NAPB: variants seen among roughly 807,000 people sequenced by gnomAD.
The protein encoded by NAPB is beta-soluble NSF attachment protein.
In NAPB, 26 loss-of-function variants were observed where a neutral mutation model predicts 44.7. That is an observed-to-expected ratio of 0.58 (90% CI 0.43 to 0.81). NAPB has a LOEUF of 0.81. NAPB is among the 30% of genes least tolerant of loss of function. NAPB has a pLI of 0.00. For synonymous variants in NAPB, 120 were observed against 116.8 expected (o/e 1.03, Z -0.18); for missense variants, 315 against 356.4 (o/e 0.88, Z 0.94).
At chr20:23,386,633 A>G (rs1430553739) in intron 7 of NAPB, among the ~76,000 whole-genome samples, 1 of 152,244 alleles carries the variant, frequency 6.6e-6, no homozygotes, top group African/African-American at 2.4e-5. Flanking sequence ...ATAAAAACTC[A>G]GAACACCACG....
chr20:23,410,327 T>C (rs922935884), intron 1 of NAPB, among the ~76,000 whole-genome samples: 1 of 152,108 alleles, frequency 6.6e-6, no homozygotes, highest in Non-Finnish European at 1.5e-5. Flanking sequence ...CAGAAACACA[T>C]GCTATTGTGT....
chr20:23,406,729 TAA>T (rs1239036823), intron 1 of NAPB, among the ~76,000 whole-genome samples: 6 of 152,240 alleles, frequency 3.9e-5, no homozygotes, highest in Admixed American at 6.5e-5. Flanking sequence ...TCCCTTGGCG[TAA>T]AGTCTTGCTA....
chr20:23,398,081 G>A (rs1260102098), intron 2 of NAPB, among the ~76,000 whole-genome samples: 1 of 152,162 alleles, frequency 6.6e-6, no homozygotes, highest in Non-Finnish European at 1.5e-5. Context: ...GGAGGCCAGT[G>A]GAAATCAAGG....
At chr20:23,413,145 A>G (rs1157138524) in intron 1 of NAPB, among the ~76,000 whole-genome samples, 3 of 151,142 alleles carry the variant, frequency 2.0e-5, no homozygotes, top group Non-Finnish European at 4.4e-5. Context: ...AAAAAATTTT[A>G]AGTAAAGTGT....
rs1166439472 is a variant in NAPB at position 23,421,342 on chromosome 20, C to T, written c.61G>A (p.Val21Ile). Residue 21 changes from valine to isoleucine, a missense_variant, in exon 1 of 11, where the codon GTC becomes ATC. Coordinates refer to ENST00000377026, the MANE Select transcript of NAPB (RefSeq NM_022080.3). ...VQLMAEAEKR[V>I]KASHSFLRGL... ...CGGAGGAAGGAGTGGGAGGCCTTGACTCGCTTCTCGGCCTCCGCCATCAGC... is the reference window on the plus strand; with the variant it reads ...CGGAGGAAGGAGTGGGAGGCCTTGATTCGCTTCTCGGCCTCCGCCATCAGC... 2 of 1,565,180 alleles carry T rather than the reference C, an allele frequency of 1.3e-6. No individual in the cohort carries two copies. The highest frequency in any genetic ancestry group is 1.7e-6 in the Non-Finnish European group (2 of 1,154,700).
intron 7 of NAPB, among the ~76,000 whole-genome samples, chr20:23,388,615 G>A (rs940466668): frequency 6.6e-5 from 10 of 152,118 alleles, no homozygotes; most frequent in African/African-American, 1.9e-4. Flanking sequence ...TTCATATGGT[G>A]AAATAATTTT....
At chr20:23,379,248 G>A (rs1309087698) in intron 10 of NAPB, 197 bp downstream of exon 10, 2 of 470,488 alleles carry the variant, frequency 4.3e-6, no homozygotes, top group Non-Finnish European at 7.5e-6. Flanking sequence ...AGTTTTGAGT[G>A]TAAGTCGAAT....
At chr20:23,386,804 T>A (rs568310142) in intron 7 of NAPB, among the ~76,000 whole-genome samples, 1 of 152,372 alleles carries the variant, frequency 6.6e-6, no homozygotes, top group South Asian at 2.1e-4. Context: ...CCTTTGAGTT[T>A]AATCTGTACC....
intron 7 of NAPB, among the ~76,000 whole-genome samples, chr20:23,386,764 A>G (rs1311203028): frequency 6.6e-6 from 1 of 152,204 alleles, no homozygotes; most frequent in Non-Finnish European, 1.5e-5. Context: ...TCTTCCTGGA[A>G]GTCTCCTAGA....
Position 23,402,078 on chromosome 20 carries a change from C to T in NAPB, c.178+915G>A, listed in dbSNP as rs948151532. Among the ~76,000 whole-genome samples, 73 of 152,288 alleles carry T rather than the reference C, an allele frequency of 4.8e-4. 1 individual carries two copies. Among genetic ancestry groups the T allele is most frequent in the African/African-American group, 1.7e-3 (72 of 41,550 alleles). On this transcript the variant is annotated intron_variant, in intron 2 of 10. Transcript: ENST00000377026. ...GTTTTGAAAAATAGCATATCTAAAGCCTTAGCTAAAACTAAACTTCTTACA... is the reference window on the plus strand; with the variant it reads ...GTTTTGAAAAATAGCATATCTAAAGTCTTAGCTAAAACTAAACTTCTTACA...
At chr20:23,406,554 C>T (rs371080564) in intron 1 of NAPB, among the ~76,000 whole-genome samples, 116 of 152,200 alleles carry the variant, frequency 7.6e-4, no homozygotes, top group African/African-American at 2.5e-3. Flanking sequence ...TGGCAACAAG[C>T]CATACCAAAA....
intron 5 of NAPB, among the ~76,000 whole-genome samples, chr20:23,393,897 T>C (rs1354471177): frequency 6.6e-6 from 1 of 151,988 alleles, no homozygotes; most frequent in East Asian, 1.9e-4. Flanking sequence ...ACAGAGGAAA[T>C]CGTGGATACA....
In NAPB at chr20:23,375,579, A is replaced by C. The variant is rs1031929892; in HGVS notation, c.*1797T>G. 6.6e-6 allele frequency: 1 copy of C among 152,206 alleles called. No homozygotes were observed. The highest frequency in any genetic ancestry group is 1.5e-5 in the Non-Finnish European group (1 of 68,028). 9.4% of individuals were successfully genotyped at this position (152,206 alleles called of 1,614,324 possible). On this transcript the variant is annotated 3_prime_UTR_variant, in exon 11 of 11. Transcript: ENST00000377026. Reference sequence around the variant, plus strand: ...TCATAAGAGATTCTAAGAGGGAGTGAAAAAGTACCAACTGGACTCCATTCC... The same window carrying C: ...TCATAAGAGATTCTAAGAGGGAGTGCAAAAGTACCAACTGGACTCCATTCC...
chr20:23,379,752 G>A (rs1335160566), intron 9 of NAPB, 115 bp downstream of exon 9: 2 of 767,896 alleles, frequency 2.6e-6, no homozygotes, highest in Admixed American at 2.7e-5. Context: ...AAGTACCAGG[G>A]CCCCTCAGTT....
At chr20:23,398,752 G>A (rs1199764048) in intron 2 of NAPB, among the ~76,000 whole-genome samples, 3 of 150,898 alleles carry the variant, frequency 2.0e-5, no homozygotes, top group African/African-American at 7.3e-5. Flanking sequence ...GCTGAGGTAG[G>A]ACAATTGCTT....
chr20:23,405,726 CA>C (rs1182315789), intron 1 of NAPB, among the ~76,000 whole-genome samples: 1 of 149,292 alleles, frequency 6.7e-6, no homozygotes, highest in Non-Finnish European at 1.5e-5. Flanking sequence ...CGTCTCAAAA[CA>C]AAAAAAAAGC....
intron 2 of NAPB, among the ~76,000 whole-genome samples, chr20:23,402,157 T>G (rs1984901397): frequency 6.6e-6 from 1 of 152,208 alleles, no homozygotes; most frequent in Admixed American, 6.5e-5. Flanking sequence ...CAAAAGCATT[T>G]TCTCCTTTGA....
intron 5 of NAPB, 27 bp downstream of exon 5, chr20:23,394,895 A>G: frequency 6.2e-7 from 1 of 1,605,012 alleles, no homozygotes; most frequent in Non-Finnish European, 8.5e-7. Context: ...CCTGCTTCAC[A>G]TCTGAGGAAG....
At chr20:23,385,789 G>T (rs1444162313) in intron 7 of NAPB, among the ~76,000 whole-genome samples, 1 of 150,574 alleles carries the variant, frequency 6.6e-6, no homozygotes, top group African/African-American at 2.5e-5. Context: ...GAGAGAAAGA[G>T]AAAGAAAGAA....
Sources: allele counts gnomAD v4.1 joint callset (sites outside exome capture counted in the v4.1 genomes callset), GRCh38; gene constraint gnomAD v4.1.1; transcripts MANE v1.5; gene names NCBI Gene and HGNC (gene_info 2026-07-23, HGNC 2026-07-21).